The following KANK1 variants were observed in gnomAD, a reference collection of about 807,000 sequenced individuals.
KANK1 encodes the protein KN motif and ankyrin repeat domain-containing protein 1.
Under a neutral mutation model 106.2 loss-of-function variants are expected in KANK1, and 109 were observed. The observed-to-expected ratio is 1.03, with a 90% confidence interval of 0.88 to 1.20. KANK1 has a LOEUF of 1.20. Among genes scored for constraint, KANK1 ranks in the 50% most tolerant of loss-of-function variants. KANK1 has a pLI of 0.00. For synonymous variants in KANK1, 873 were observed against 652.2 expected (o/e 1.34, Z -5.16); for missense variants, 2,399 against 1,710.7 (o/e 1.40, Z -7.10).
In KANK1 at chr9:574,850, G is replaced by A. The variant is rs868760228; in HGVS notation, c.-84+70096G>A. Among the ~76,000 whole-genome samples the A allele has an allele frequency of 3.2e-4, 40 of 124,954 alleles. No homozygotes were observed. In the South Asian group the frequency reaches 7.8e-3, roughly 24 times the overall value. The allele number at this position is 124,954 out of a possible 152,430, so 82.0% of individuals were successfully genotyped here. On this transcript the variant is annotated intron_variant, in intron 1 of 11. Transcript: ENST00000382297. ...AACTTAGGTGACAGAGTGAGACTCC[G>A]TCTCAAAAAAAAAAAAAAAAGAAAA...
At chr9:685,092 A>T (rs1036181666) in intron 2 of KANK1, among the ~76,000 whole-genome samples, 15 of 152,328 alleles carry the variant, frequency 9.8e-5, no homozygotes, top group Admixed American at 7.8e-4. Context: ...GTGAGCCTTA[A>T]CTGAGTTACT....
upstream of KANK1, among the ~76,000 whole-genome samples, chr9:501,621 C>A (rs1587280704): frequency 6.8e-6 from 1 of 146,036 alleles, no homozygotes; most frequent in East Asian, 1.9e-4. Context: ...CATACACACA[C>A]ACACACACAC....
At chr9:629,713 C>T (rs1398111450) in intron 1 of KANK1, among the ~76,000 whole-genome samples, 2 of 152,162 alleles carry the variant, frequency 1.3e-5, no homozygotes, top group African/African-American at 4.8e-5. Context: ...ACCTATAGTA[C>T]AAACGTGTTG....
At chr9:515,434 C>T (rs2059239816) in intron 1 of KANK1, among the ~76,000 whole-genome samples, 1 of 136,898 alleles carries the variant, frequency 7.3e-6, no homozygotes, top group Non-Finnish European at 1.5e-5. Context: ...TTCTGTTTCT[C>T]TACACATTTA....
intron 1 of KANK1, among the ~76,000 whole-genome samples, chr9:507,051 A>G (rs2058791028): frequency 6.6e-6 from 1 of 151,854 alleles, no homozygotes; most frequent in Non-Finnish European, 1.5e-5. Context: ...CTTCTCACTC[A>G]CCCTTCAATA....
rs140882848 is a variant in KANK1 at position 578,609 on chromosome 9, AT to A, written c.-84+73856del. The stretch of plus-strand genomic sequence containing the variant: ...TCAATGTTGATTTTAAAAAATAAAT[AT>A]GTAAACAGCTAGATTTATGCACTGT... On this transcript the variant is annotated intron_variant, in intron 1 of 11. Transcript: ENST00000382297. 1.8e-3 allele frequency among the ~76,000 whole-genome samples: 275 copies of A among 152,280 alleles called. 1 individual carries two copies. The highest frequency in any genetic ancestry group is 6.3e-3 in the African/African-American group (261 of 41,528).
intron 1 of KANK1, among the ~76,000 whole-genome samples, chr9:551,582 T>C (rs2061284013): frequency 6.6e-6 from 1 of 152,166 alleles, no homozygotes; most frequent in Non-Finnish European, 1.5e-5. Flanking sequence ...GGGACAATGG[T>C]GAGGACCGTT....
chr9:736,067 C>A (rs945827397), intron 7 of KANK1, among the ~76,000 whole-genome samples: 1 of 152,140 alleles, frequency 6.6e-6, no homozygotes, highest in Non-Finnish European at 1.5e-5. Context: ...GGGCCATTCT[C>A]CTGCCTCACC....
In KANK1 at chr9:738,397, A is replaced by T. The variant is rs1415685402; in HGVS notation, c.3446A>T (p.Asp1149Val). 6.2e-7 allele frequency: 1 copy of T among 1,613,982 alleles called. No individual in the cohort carries two copies. The highest frequency in any genetic ancestry group is 1.7e-5 in the Admixed American group (1 of 59,988). Residue 1149 changes from aspartate (D) to valine (V), a missense_variant, in exon 8 of 12, where the codon GAT (aspartate) becomes GTT (valine). Coordinates refer to ENST00000382297, the MANE Select transcript of KANK1 (RefSeq NM_015158.5). ...YIAAFEAISP[D>V]VLRYVINLAD... The stretch of plus-strand genomic sequence containing the variant: ...GCTGCTTTTGAGGCCATTTCCCCAG[A>T]TGTCCTCCGCTATGTCATCAACTTG...
At chr9:663,760 AAG>A in intron 1 of KANK1, among the ~76,000 whole-genome samples, 1 of 152,308 alleles carries the variant, frequency 6.6e-6, no homozygotes, top group African/African-American at 2.4e-5. Context: ...GGGATTCTGA[AAG>A]CATTTGCAGG....
chr9:496,983 A>C (rs535737465), intron 3 of KANK1, among the ~76,000 whole-genome samples: 23 of 152,304 alleles, frequency 1.5e-4, no homozygotes, highest in African/African-American at 5.5e-4. Flanking sequence ...CTCTTAGCTC[A>C]ATTTCCTGAA....
chr9:514,250 T>C (rs867040251), intron 1 of KANK1, among the ~76,000 whole-genome samples: 3 of 73,314 alleles, frequency 4.1e-5, no homozygotes, highest in Admixed American at 2.3e-4. Flanking sequence ...CTTCCTTCCT[T>C]CCTCCCTCCG....
chr9:556,600 T>G (rs962966979), intron 1 of KANK1, among the ~76,000 whole-genome samples: 3 of 152,226 alleles, frequency 2.0e-5, no homozygotes, highest in Admixed American at 6.5e-5. Context: ...TGATCCAAAG[T>G]GAGATTTTTA....
At chr9:684,715 C>A in intron 2 of KANK1, 1 of 300,162 alleles carries the variant, frequency 3.3e-6, no homozygotes, top group Non-Finnish European at 4.9e-6. Flanking sequence ...GGGATAATTT[C>A]AGTTCATCTC....
intron 1 of KANK1, among the ~76,000 whole-genome samples, chr9:651,444 C>G (rs1247475107): frequency 1.3e-5 from 2 of 152,118 alleles, no homozygotes; most frequent in Non-Finnish European, 2.9e-5. Context: ...ATAGCTAGAA[C>G]TTTCTTCTGT....
At chr9:697,963 G>T (rs756348251) in intron 2 of KANK1, among the ~76,000 whole-genome samples, 1 of 152,132 alleles carries the variant, frequency 6.6e-6, no homozygotes, top group African/African-American at 2.4e-5. Flanking sequence ...TGGTAGGCAG[G>T]CCAACAGTAA....
intron 1 of KANK1, among the ~76,000 whole-genome samples, chr9:579,406 T>C (rs773875477): frequency 2.0e-5 from 3 of 152,076 alleles, no homozygotes; most frequent in Non-Finnish European, 4.4e-5. Flanking sequence ...GAATCAAAAA[T>C]AGAAAAGCAC....
At chr9:690,314 G>GAAAA (rs58615825) in intron 2 of KANK1, among the ~76,000 whole-genome samples, 4 of 107,036 alleles carry the variant, frequency 3.7e-5, no homozygotes, top group African/African-American at 1.3e-4. Context: ...TCAAAAAAAA[G>GAAAA]AAAAAAAAAA....
chr9:738,534 C>G (rs771831638), intron 8 of KANK1, 30 bp downstream of exon 8: 22 of 1,548,376 alleles, frequency 1.4e-5, no homozygotes, highest in Non-Finnish European at 1.9e-5. Context: ...ACCCTCTCTT[C>G]TCTAACAGTA....
Sources: gnomAD v4.1 joint callset for allele counts (sites outside exome capture counted in the v4.1 genomes callset) on GRCh38, gnomAD v4.1.1 for gene constraint, MANE v1.5 for transcripts, NCBI Gene and HGNC (gene_info 2026-07-23, HGNC 2026-07-21) for gene names.